Variants in FBLN5 observed in about 807,000 individuals in gnomAD.
FBLN5 encodes fibulin 5.
Under a neutral mutation model 61.6 loss-of-function variants are expected in FBLN5, and 24 were observed. The observed-to-expected ratio is 0.39, with a 90% CI of 0.28 to 0.55. The LOEUF (loss-of-function observed/expected upper bound fraction) is 0.55, where lower values mean the gene tolerates loss of function less well. FBLN5 is among the 20% of genes least tolerant of loss of function. The pLI, the probability that FBLN5 is intolerant of heterozygous loss-of-function variation, is 0.65. For missense variants in FBLN5, 470 were observed against 594.1 expected, an observed-to-expected ratio of 0.79 and a Z score of 2.17; for synonymous variants, 213 against 219.8, an observed-to-expected ratio of 0.97 and a Z score of 0.27.
At chr14:91,878,769 C>G (rs1889287648) in intron 9 of FBLN5, among the ~76,000 whole-genome samples, 1 of 152,232 alleles carries the variant, frequency 6.6e-6, no homozygotes, top group Admixed American at 6.5e-5. Flanking sequence ...TTGGACTCCT[C>G]CATCTAAACC....
chr14:91,931,670 A>C (rs779240838), intron 4 of FBLN5, among the ~76,000 whole-genome samples: 3 of 152,226 alleles, frequency 2.0e-5, no homozygotes, highest in Non-Finnish European at 4.4e-5. Flanking sequence ...ATATTTCACA[A>C]ACATGAGTTA....
At chr14:91,908,046 G>A (rs1258485076) in intron 4 of FBLN5, among the ~76,000 whole-genome samples, 2 of 152,166 alleles carry the variant, frequency 1.3e-5, no homozygotes. Context: ...TCAAGAGTCT[G>A]CTCATAAGTG....
At chr14:91,946,262 G>A (rs1302738538) in intron 1 of FBLN5, among the ~76,000 whole-genome samples, 1 of 147,590 alleles carries the variant, frequency 6.8e-6, no homozygotes, top group Non-Finnish European at 1.5e-5. Context: ...ACAGCATCAC[G>A]AATAGCTGCA....
Position 91,882,233 on chromosome 14 carries a change from G to A in FBLN5, c.862+721C>T, listed in dbSNP as rs1889512296. 6.6e-6 allele frequency among the ~76,000 whole-genome samples: 1 copy of A among 152,188 alleles called. No homozygotes were observed. Among genetic ancestry groups the A allele is most frequent in the Non-Finnish European group, 1.5e-5 (1 of 68,036 alleles). ...TTACCCATTTTTTTCCTCTTTTAAT[G>A]TGGCTAATAGAAAATGTAAAATTAC... On this transcript the variant is annotated intron_variant, in intron 8 of 10. Coordinates refer to ENST00000342058, the MANE Select transcript of FBLN5 (RefSeq NM_006329.4). This position sits in a 1 kb window ranked among gnomAD's most constrained non-coding sequence, Gnocchi z 4.9.
chr14:91,904,042 A>C (rs1247365097), intron 4 of FBLN5, among the ~76,000 whole-genome samples: 1 of 152,192 alleles, frequency 6.6e-6, no homozygotes, highest in African/African-American at 2.4e-5. Flanking sequence ...AGTTAAGCCT[A>C]CTTTCCTACT....
intron 10 of FBLN5, among the ~76,000 whole-genome samples, chr14:91,870,925 C>T (rs1028395351): frequency 6.6e-6 from 1 of 152,098 alleles, no homozygotes; most frequent in Non-Finnish European, 1.5e-5. Flanking sequence ...CTCTGGGGCT[C>T]ATCTCTCAAA....
chr14:91,893,337 C>T (rs1195540918), intron 5 of FBLN5, among the ~76,000 whole-genome samples: 1 of 152,186 alleles, frequency 6.6e-6, no homozygotes, highest in Non-Finnish European at 1.5e-5. Flanking sequence ...TCCATTATAG[C>T]AGAGGTTGGT....
intron 4 of FBLN5, among the ~76,000 whole-genome samples, chr14:91,904,335 G>T (rs962494208): frequency 3.9e-5 from 6 of 152,104 alleles, no homozygotes; most frequent in Non-Finnish European, 8.8e-5. Context: ...CCTTATTGTG[G>T]CCCGTCTCTC....
chr14:91,910,561 C>T (rs1346498797), intron 4 of FBLN5, among the ~76,000 whole-genome samples: 1 of 152,202 alleles, frequency 6.6e-6, no homozygotes, highest in Non-Finnish European at 1.5e-5. Context: ...TAAATCAAAA[C>T]ATATTTCTTC....
intron 4 of FBLN5, among the ~76,000 whole-genome samples, chr14:91,915,686 C>CAAAAAAAAAAAAA (rs34675184): frequency 9.1e-5 from 4 of 43,740 alleles, no homozygotes; most frequent in African/African-American, 8.6e-5. Flanking sequence ...GACTCCATCT[C>CAAAAAAAAAAAAA]AAAAAAAAAA....
chr14:91,875,063 C>T (rs993595876), intron 10 of FBLN5, among the ~76,000 whole-genome samples: 3 of 152,264 alleles, frequency 2.0e-5, no homozygotes, highest in East Asian at 1.9e-4. Flanking sequence ...CTCCCGGGCT[C>T]CAGGGATCCT....
At chr14:91,894,415 A>AAAC (rs1566807942) in intron 5 of FBLN5, among the ~76,000 whole-genome samples, 2 of 146,614 alleles carry the variant, frequency 1.4e-5, no homozygotes, top group African/African-American at 5.0e-5. Flanking sequence ...AAAAAAAAAA[A>AAAC]AAAAAAAAAA....
chr14:91,877,861 C>T, intron 9 of FBLN5, 179 bp from the exon 10 acceptor site: 1 of 674,832 alleles, frequency 1.5e-6, no homozygotes, highest in Non-Finnish European at 2.7e-6. Context: ...TGTAGGCGAG[C>T]TCTGTTTCCT....
Position 91,881,331 on chromosome 14 carries a change from G to T in FBLN5, c.950C>A (p.Pro317His). Reference protein sequence around the residue: ...NLQGGFKCIDPIRCEEPYLRI... With the variant: ...NLQGGFKCIDHIRCEEPYLRI... ...CAGATAAGGCTCCTCACAGCGGATG[G>T]GGTCAATGCATTTGAAGCCCCCTTG... The change falls in exon 9 of 11, where the codon CCC becomes CAC. Residue 317 changes from proline (P) to histidine (H), a missense_variant. By Grantham distance (77) the Pro-to-His change is moderately conservative. Transcript: ENST00000342058. 1.2e-6 allele frequency: 2 copies of T among 1,614,122 alleles called. No homozygotes were observed. Among genetic ancestry groups the T allele is most frequent in the South Asian group, 2.2e-5 (2 of 91,076 alleles).
intron 4 of FBLN5, among the ~76,000 whole-genome samples, chr14:91,910,871 G>A (rs1336104011): frequency 1.3e-5 from 2 of 152,176 alleles, no homozygotes; most frequent in African/African-American, 2.4e-5. Context: ...GGACTATGAC[G>A]TGGGCATCTT....
At chr14:91,893,092 G>A (rs949869706) in intron 5 of FBLN5, among the ~76,000 whole-genome samples, 4 of 152,076 alleles carry the variant, frequency 2.6e-5, no homozygotes, top group African/African-American at 7.2e-5. Context: ...CCACTCCAGC[G>A]CCCCTTGTGG....
intron 7 of FBLN5, among the ~76,000 whole-genome samples, chr14:91,883,521 C>T (rs1030801246): frequency 8.5e-5 from 13 of 152,148 alleles, no homozygotes; most frequent in Middle Eastern, 3.4e-3. Flanking sequence ...GGGCAACTTT[C>T]GCAATGCCAA....
chr14:91,893,119 G>A lies in FBLN5; in HGVS notation c.503-1782C>T, dbSNP rs1890065845. Among the ~76,000 whole-genome samples, 2 of 152,144 alleles carry A rather than the reference G, an allele frequency of 1.3e-5. 1 individual carries two copies. The highest frequency in any genetic ancestry group is 1.3e-4 in the Admixed American group (2 of 15,276). ...CCCTTGTGGTGGGAAAAAAAAACTA[G>A]ACTGAGACACGGGAGACTTGGAAGT... is the stretch of plus-strand genomic sequence containing the variant. On this transcript the variant is annotated intron_variant, in intron 5 of 10. Transcript: ENST00000342058.
intron 4 of FBLN5, among the ~76,000 whole-genome samples, chr14:91,899,344 C>T (rs1890362860): frequency 6.6e-6 from 1 of 152,256 alleles, no homozygotes. Context: ...CATAGCTTGG[C>T]TCCCCACAGG....
Sources: gnomAD v4.1 joint callset for allele counts (sites outside exome capture counted in the v4.1 genomes callset) on GRCh38, gnomAD v4.1.1 for gene constraint, Gnocchi (gnomAD v3.1) non-coding constraint, MANE v1.5 for transcripts, NCBI Gene and HGNC (gene_info 2026-07-23, HGNC 2026-07-21) for gene names.